URI1: variants seen among roughly 807,000 people sequenced by gnomAD.
The protein encoded by URI1 is unconventional prefoldin RPB5 interactor 1.
Under a neutral mutation model 60.2 loss-of-function variants are expected in URI1, and 39 were observed. The observed-to-expected ratio is 0.65, with a 90% CI of 0.50 to 0.85. The LOEUF is 0.85. URI1 is among the 40% of genes least tolerant of loss of function. The pLI, the probability that URI1 is intolerant of heterozygous loss-of-function variation, is 0.00. For missense variants in URI1, 691 were observed against 665.9 expected, an observed-to-expected ratio of 1.04 and a Z score of -0.42; for synonymous variants, 251 against 236.8, an observed-to-expected ratio of 1.06 and a Z score of -0.55.
At chr19:29,949,594 C>T (rs335046) in intron 1 of URI1, among the ~76,000 whole-genome samples, 3,785 of 152,258 alleles carry the variant, frequency 0.025, 162 homozygotes, top group African/African-American at 0.086. Context: ...GCCGAGATCA[C>T]GCCACTGCAC....
chr19:30,002,514 A>G (rs2055890962), intron 4 of URI1, among the ~76,000 whole-genome samples: 1 of 151,982 alleles, frequency 6.6e-6, no homozygotes, highest in South Asian at 2.1e-4. Context: ...CTTGCTGCAC[A>G]TTTAACCTGC....
chr19:29,927,780 T>C (rs1280677067), intron 1 of URI1, among the ~76,000 whole-genome samples: 3 of 151,852 alleles, frequency 2.0e-5, no homozygotes, highest in Admixed American at 6.6e-5. Flanking sequence ...TTTTGTTATG[T>C]TGGTCAGGCT....
chr19:29,985,172 A>G (rs200418994), intron 2 of URI1, 51 bp from the exon 3 acceptor site: 4,666 of 275,342 alleles, frequency 0.017, 89 homozygotes, highest in Non-Finnish European at 0.027. Flanking sequence ...AAAAAAAAAA[A>G]AAAAAGAAAA....
chr19:29,927,589 GAC>G (rs2054880775), intron 1 of URI1, among the ~76,000 whole-genome samples: 1 of 55,042 alleles, frequency 1.8e-5, no homozygotes, highest in Non-Finnish European at 2.7e-5. Context: ...TTTTTTTTGA[GAC>G]AGAGTCTCAC....
At chr19:29,998,857 G>C (rs999011683) in intron 4 of URI1, among the ~76,000 whole-genome samples, 2 of 151,724 alleles carry the variant, frequency 1.3e-5, no homozygotes, top group Non-Finnish European at 2.9e-5. Context: ...GTTATTTTCT[G>C]CATGTTTTAT....
rs568150892 is a variant in URI1 at position 29,943,189 on chromosome 19, C to T, written c.117+525C>T. Among the ~76,000 whole-genome samples, 241 of 152,224 alleles carry T rather than the reference C, an allele frequency of 1.6e-3. 1 individual carries two copies. Among genetic ancestry groups the T allele is most frequent in the Non-Finnish European group, 2.5e-3 (168 of 68,022 alleles). On this transcript the variant is annotated intron_variant, in intron 1 of 10. Transcript: ENST00000392271. ...CGAACTTCTGGCCTCAAGCGATCCT[C>T]CCCCTCCTACCCTTCCCCACCTCGC... is the stretch of plus-strand genomic sequence containing the variant.
chr19:30,000,239 TTTG>T (rs1441676671), intron 4 of URI1, among the ~76,000 whole-genome samples: 1 of 152,032 alleles, frequency 6.6e-6, no homozygotes, highest in East Asian at 1.9e-4. Flanking sequence ...AGATACTTTT[TTTG>T]TTGTTAAAAA....
intron 1 of URI1, among the ~76,000 whole-genome samples, chr19:29,963,808 T>A (rs1286852887): frequency 6.6e-6 from 1 of 152,206 alleles, no homozygotes; most frequent in Non-Finnish European, 1.5e-5. Context: ...GGTTGTTGTT[T>A]TAGTAAGCCA....
chr19:30,006,985 A>G (rs956173374), intron 6 of URI1, among the ~76,000 whole-genome samples: 2 of 152,116 alleles, frequency 1.3e-5, no homozygotes, highest in African/African-American at 4.8e-5. Context: ...ATTCCTTGGC[A>G]GTGCCCTGGA....
chr19:29,979,641 C>T (rs1162385806), intron 2 of URI1, among the ~76,000 whole-genome samples: 1 of 152,048 alleles, frequency 6.6e-6, no homozygotes, highest in Non-Finnish European at 1.5e-5. Flanking sequence ...GTTTCATTGA[C>T]TTGAAAAATT....
At chr19:29,995,895 T>A (rs1449025750) in intron 4 of URI1, among the ~76,000 whole-genome samples, 1 of 152,210 alleles carries the variant, frequency 6.6e-6, no homozygotes, top group East Asian at 1.9e-4. Flanking sequence ...TTTTACACTC[T>A]TGTCAAAAAT....
intron 1 of URI1, among the ~76,000 whole-genome samples, chr19:29,932,801 A>G (rs1249012224): frequency 6.6e-6 from 1 of 150,908 alleles, no homozygotes; most frequent in Non-Finnish European, 1.5e-5. Context: ...GCAGGTGCCC[A>G]TCACCACATC....
rs376440708 is a variant in URI1 at position 29,949,242 on chromosome 19, C to T, written c.117+6578C>T. On this transcript the variant is annotated intron_variant, in intron 1 of 10. Coordinates refer to ENST00000392271, the MANE Select transcript of URI1 (RefSeq NM_003796.3). ...CTCCTCACTTTTCAGACGGGGCGGC[C>T]GGGCAGAGACGCTCCTCATCTCCCA... 3.6e-4 allele frequency among the ~76,000 whole-genome samples: 53 copies of T among 148,266 alleles called. 1 individual carries two copies. In the East Asian group the frequency reaches 5.5e-3, roughly 15 times the overall value.
intron 2 of URI1, among the ~76,000 whole-genome samples, chr19:29,984,311 C>T (rs1440360266): frequency 1.3e-5 from 2 of 152,110 alleles, no homozygotes; most frequent in African/African-American, 4.8e-5. Context: ...CGTCTGTAGT[C>T]TCAGCTACTC....
upstream of URI1, among the ~76,000 whole-genome samples, chr19:29,940,386 T>C (rs1286872911): frequency 6.6e-6 from 1 of 152,128 alleles, no homozygotes; most frequent in Non-Finnish European, 1.5e-5. Flanking sequence ...TGGTGGCTCT[T>C]GCCTGTAATC....
rs2056072257 is a variant in URI1 at position 30,015,265 on chromosome 19, T to C, written c.*196T>C. 6 of 1,412,178 alleles carry C rather than the reference T, an allele frequency of 4.2e-6. No individual in the cohort carries two copies. Among genetic ancestry groups the C allele is most frequent in the Non-Finnish European group, 4.6e-6 (5 of 1,088,418 alleles). The allele number at this position is 1,412,178 out of a possible 1,614,324, so 87.5% of individuals were successfully genotyped here. On this transcript the variant is annotated 3_prime_UTR_variant, in exon 11 of 11. Transcript: ENST00000392271. ...CTGAATACTTTAATATCAGCTTGTT[T>C]TGTGAATTCTCTGAATACTGTCAAC...
intron 4 of URI1, among the ~76,000 whole-genome samples, chr19:29,995,109 A>G (rs1249682962): frequency 6.6e-6 from 1 of 152,082 alleles, no homozygotes; most frequent in South Asian, 2.1e-4. Context: ...AGGAACCTCC[A>G]TTCTGTCTTT....
chr19:29,953,273 C>T (rs1406683896), intron 1 of URI1, among the ~76,000 whole-genome samples: 1 of 152,034 alleles, frequency 6.6e-6, no homozygotes, highest in Non-Finnish European at 1.5e-5. Context: ...TTTTTGGTTA[C>T]AATGGCCACA....
chr19:29,998,105 T>C (rs1439770918), intron 4 of URI1, among the ~76,000 whole-genome samples: 1 of 152,222 alleles, frequency 6.6e-6, no homozygotes, highest in Non-Finnish European at 1.5e-5. Flanking sequence ...ACAGATTATT[T>C]TGTAAAATTT....
Sources: allele counts gnomAD v4.1 joint callset (sites outside exome capture counted in the v4.1 genomes callset), GRCh38; gene constraint gnomAD v4.1.1; transcripts MANE v1.5; gene names NCBI Gene and HGNC (gene_info 2026-07-23, HGNC 2026-07-21).